Variants in PGAP1 observed in about 807,000 individuals in gnomAD.
The protein encoded by PGAP1 is post-GPI attachment to proteins inositol deacylase 1.
Under a neutral mutation model 127.0 loss-of-function variants are expected in PGAP1, and 76 were observed. The ratio of observed to expected loss-of-function variants is 0.60; its 90% CI spans 0.50 to 0.72. The LOEUF (loss-of-function observed/expected upper bound fraction) is 0.72. PGAP1 is among the 30% of genes least tolerant of loss of function. PGAP1 has a pLI of 0.00. For synonymous variants in PGAP1, 362 were observed against 366.5 expected, an observed-to-expected ratio of 0.99 and a Z score of 0.14; for missense variants, 982 against 1,071.3, an observed-to-expected ratio of 0.92 and a Z score of 1.16.
chr2:196,845,958 A>C lies in PGAP1; in HGVS notation c.2210T>G (p.Ile737Ser), dbSNP rs762238508. The C allele has an allele frequency of 6.2e-7, 1 of 1,608,650 alleles. No individual in the cohort carries two copies. The highest frequency in any genetic ancestry group is 1.1e-5 in the South Asian group (1 of 90,150). ...MISPDLPFLT[I>S]VLIIVSWTTC... is the part of the protein sequence containing the mutation. ...TGTCCAACTAACTATGATCAAGACA[A>C]TTGTCAAAAAGGGCAAGTCTGGTGA... The change falls in exon 23 of 27, where the codon ATT (isoleucine) becomes AGT (serine). Residue 737 changes from isoleucine (I) to serine (S), a missense_variant. Physicochemically the swap from Ile to Ser is moderately radical, Grantham distance 142. Coordinates refer to ENST00000354764, the MANE Select transcript of PGAP1 (RefSeq NM_024989.4).
chr2:196,900,059 A>C (rs1702431683), intron 5 of PGAP1, among the ~76,000 whole-genome samples: 1 of 152,132 alleles, frequency 6.6e-6, no homozygotes, highest in Admixed American at 6.5e-5. Context: ...AAAACAAAAC[A>C]CACAAAGTGA....
intron 2 of PGAP1, 122 bp downstream of exon 2, chr2:196,919,875 G>A (rs1703129891): frequency 3.0e-6 from 3 of 984,736 alleles, no homozygotes; most frequent in Non-Finnish European, 4.5e-6. Flanking sequence ...TGTAAGCCCA[G>A]CACAGCACTT....
chr2:196,875,789 C>T lies in PGAP1; in HGVS notation c.1383G>A (p.Glu461=), dbSNP rs767560898. The T allele has an allele frequency of 3.3e-6, 5 of 1,537,576 alleles. No homozygotes were observed. In the African/African-American group the frequency reaches 6.8e-5, roughly 21 times the overall value. Residue 461 remains glutamate, a synonymous_variant, in exon 14 of 27, where the codon GAG becomes GAA. Coordinates refer to ENST00000354764, the MANE Select transcript of PGAP1 (RefSeq NM_024989.4). ...FVVDCEFFKK[E]KRYIQLPVTH... ...TTACAGGAAGCTGTATGTATCTTTT[C>T]TCTTTTTTAAAGAATTCACAATCTA...
At chr2:196,899,461 T>C (rs1702402420) in intron 5 of PGAP1, among the ~76,000 whole-genome samples, 4 of 152,188 alleles carry the variant, frequency 2.6e-5, no homozygotes, top group Admixed American at 6.5e-5. Context: ...TAAAAAAAAT[T>C]AGACAACCAG....
At position 196,840,538 on chromosome 2, in the gene PGAP1, C is replaced by A. The variant is rs971563067; in HGVS notation, c.*696G>T. On this transcript the variant is annotated 3_prime_UTR_variant, in exon 27 of 27. Transcript: ENST00000354764. ...TCTTTAATAGTCTCCTGATGTTCAC[C>A]GAGAATATATAGTAAGATTCATATT... 2.6e-5 allele frequency: 4 copies of A among 151,640 alleles called. No individual in the cohort carries two copies. The highest frequency in any genetic ancestry group is 9.7e-5 in the African/African-American group (4 of 41,200). The allele number at this position is 151,640 out of a possible 1,614,324, so 9.4% of individuals were successfully genotyped here.
At chr2:196,901,310 T>C (rs1454129974) in intron 5 of PGAP1, among the ~76,000 whole-genome samples, 2 of 152,140 alleles carry the variant, frequency 1.3e-5, no homozygotes, top group African/African-American at 2.4e-5. Context: ...TACATGAAAA[T>C]GGTGGGTAAT....
intron 12 of PGAP1, among the ~76,000 whole-genome samples, chr2:196,883,050 G>GT (rs1477135325): frequency 6.6e-6 from 1 of 152,164 alleles, no homozygotes; most frequent in Non-Finnish European, 1.5e-5. Flanking sequence ...TCTACTGAGA[G>GT]TTTTTAACAT....
At chr2:196,853,466 G>C (rs1193724962) in intron 20 of PGAP1, among the ~76,000 whole-genome samples, 1 of 152,020 alleles carries the variant, frequency 6.6e-6, no homozygotes, top group Non-Finnish European at 1.5e-5. Context: ...TAGCTTTCTT[G>C]TTTATATTCC....
chr2:196,904,730 A>G (rs1375477765), intron 4 of PGAP1, among the ~76,000 whole-genome samples: 1 of 152,156 alleles, frequency 6.6e-6, no homozygotes, highest in Non-Finnish European at 1.5e-5. Context: ...GTCTCAAAAA[A>G]AAAAATAAAT....
At chr2:196,867,010 C>G (rs573025138) in intron 19 of PGAP1, among the ~76,000 whole-genome samples, 13 of 152,072 alleles carry the variant, frequency 8.5e-5, no homozygotes, top group Non-Finnish European at 1.5e-4. Context: ...TGTGGAGAAA[C>G]AGGAATTCTT....
intron 3 of PGAP1, among the ~76,000 whole-genome samples, chr2:196,915,361 G>A (rs1344778042): frequency 3.3e-5 from 5 of 152,042 alleles, no homozygotes; most frequent in Non-Finnish European, 4.4e-5. Context: ...TAATTATCTC[G>A]AGACTGTACT....
In PGAP1 at chr2:196,835,249, T is replaced by C. The variant is rs1164388359; in HGVS notation, c.*5985A>G. 2.0e-5 allele frequency: 3 copies of C among 152,036 alleles called. No homozygotes were observed. Among genetic ancestry groups the C allele is most frequent in the African/African-American group, 7.2e-5 (3 of 41,452 alleles). The allele number at this position is 152,036 out of a possible 1,614,324, so 9.4% of individuals were successfully genotyped here. A position where few individuals can be genotyped will look rare whatever the true frequency, so the allele number is the denominator to read the frequency against. On this transcript the variant is annotated 3_prime_UTR_variant, in exon 27 of 27. Coordinates refer to ENST00000354764, the MANE Select transcript of PGAP1 (RefSeq NM_024989.4). ...ATACGCATATTAAAAGGTTGTACTA[T>C]GTTAGGTTCCAGTGGACAAGTTCCC...
chr2:196,897,783 T>C (rs1702336175), intron 6 of PGAP1, among the ~76,000 whole-genome samples: 1 of 152,246 alleles, frequency 6.6e-6, no homozygotes, highest in Non-Finnish European at 1.5e-5. Flanking sequence ...TTGAGACTGA[T>C]GCTATTGGGT....
rs1576128567 is a variant in PGAP1 at position 196,871,033 on chromosome 2, C to T, written c.1729-54G>A. 4 of 1,314,506 alleles carry T rather than the reference C, an allele frequency of 3.0e-6. No homozygotes were observed. In the East Asian group the frequency reaches 6.9e-5, roughly 23 times the overall value. The allele number at this position is 1,314,506 out of a possible 1,614,324, so 81.4% of individuals were successfully genotyped here. ...GGTTATTTTCCTCTAAACTCCTTTA[C>T]ATTTTATTAAATTGAGCACTTATGC... On this transcript the variant is annotated intron_variant, in intron 18 of 26. Transcript: ENST00000354764.
intron 10 of PGAP1, among the ~76,000 whole-genome samples, chr2:196,890,379 A>T (rs1702059240): frequency 6.6e-6 from 1 of 152,224 alleles, no homozygotes; most frequent in African/African-American, 2.4e-5. Context: ...TCTAGATAAC[A>T]TTGTAAGTTA....
intron 7 of PGAP1, among the ~76,000 whole-genome samples, chr2:196,895,906 T>TG (rs1364630144): frequency 6.6e-6 from 1 of 152,058 alleles, no homozygotes; most frequent in African/African-American, 2.4e-5. Context: ...AAAGACTACT[T>TG]AAAAAAGAAG....
At chr2:196,918,085 G>A (rs1703074036) in intron 2 of PGAP1, among the ~76,000 whole-genome samples, 1 of 152,130 alleles carries the variant, frequency 6.6e-6, no homozygotes, top group Non-Finnish European at 1.5e-5. Flanking sequence ...GACTTATGAT[G>A]TTTTAGCATC....
At chr2:196,904,766 G>C (rs1178472761) in intron 4 of PGAP1, among the ~76,000 whole-genome samples, 1 of 152,032 alleles carries the variant, frequency 6.6e-6, no homozygotes, top group Non-Finnish European at 1.5e-5. Context: ...TGGTTAGCTG[G>C]ATCACAGTGC....
chr2:196,921,544 T>C (rs946371833), intron 1 of PGAP1, among the ~76,000 whole-genome samples: 3 of 152,090 alleles, frequency 2.0e-5, no homozygotes, highest in African/African-American at 7.2e-5. Context: ...TCCTATTTCC[T>C]CCCAATTTAG....
Sources: allele counts gnomAD v4.1 joint callset (sites outside exome capture counted in the v4.1 genomes callset), GRCh38; gene constraint gnomAD v4.1.1; transcripts MANE v1.5; gene names NCBI Gene and HGNC (gene_info 2026-07-23, HGNC 2026-07-21).